The following FGL1 variants were observed in gnomAD, a reference collection of about 807,000 sequenced individuals.
FGL1 encodes fibrinogen like 1, also known as fibrinogen-like protein 1.
FGL1 carries 59 observed loss-of-function variants against 43.7 expected under a neutral mutation model. That is an observed-to-expected ratio of 1.35 (90% CI 1.10 to 1.68). The LOEUF (loss-of-function observed/expected upper bound fraction) is 1.68, where lower values mean the gene tolerates loss of function less well. Ranked by LOEUF, FGL1 falls within the 40% of genes most tolerant of loss-of-function variation. The pLI is 0.00. For missense variants in FGL1, 596 were observed against 373.0 expected, an observed-to-expected ratio of 1.60 and a Z score of -4.92; for synonymous variants, 192 against 126.5, an observed-to-expected ratio of 1.52 and a Z score of -3.48.
At chr8:17,877,427 G>C (rs1406402239) in intron 3 of FGL1, among the ~76,000 whole-genome samples, 1 of 152,144 alleles carries the variant, frequency 6.6e-6, no homozygotes, top group Non-Finnish European at 1.5e-5. Context: ...CCTGCCAAAT[G>C]GGCTTTTTCC....
intron 7 of FGL1, among the ~76,000 whole-genome samples, chr8:17,865,191 A>T (rs2053252777): frequency 6.6e-6 from 1 of 152,126 alleles, no homozygotes; most frequent in Non-Finnish European, 1.5e-5. Context: ...TCAATTTTTG[A>T]TTTTCTTTAA....
At chr8:17,866,736 T>C (rs2053275423) in intron 7 of FGL1, among the ~76,000 whole-genome samples, 2 of 152,266 alleles carry the variant, frequency 1.3e-5, no homozygotes, top group Admixed American at 6.5e-5. Context: ...GCCAGTCAGC[T>C]GGATAAAGTA....
At chr8:17,893,057 C>T (rs1046650226) in intron 1 of FGL1, among the ~76,000 whole-genome samples, 2 of 152,034 alleles carry the variant, frequency 1.3e-5, no homozygotes, top group African/African-American at 4.8e-5. Context: ...AGAAATTAGC[C>T]AGGTGTGGTG....
chr8:17,895,279 T>C, intron 1 of FGL1, 168 bp downstream of exon 1: 2 of 1,026,438 alleles, frequency 1.9e-6, no homozygotes, highest in Non-Finnish European at 1.2e-6. Flanking sequence ...AAAAGATACA[T>C]AATTCTAAAT....
chr8:17,881,725 T>C (rs2131725780), intron 3 of FGL1, among the ~76,000 whole-genome samples: 1 of 151,040 alleles, frequency 6.6e-6, no homozygotes, highest in Non-Finnish European at 1.5e-5. Context: ...TCCCAGCTAC[T>C]CGGGAGACTG....
At chr8:17,876,642 C>T (rs3866924) in intron 3 of FGL1, among the ~76,000 whole-genome samples, 78,387 of 151,992 alleles carry the variant, frequency 0.52, 22,990 homozygotes, top group Non-Finnish European at 0.68. Flanking sequence ...TATAGTACAA[C>T]ACTTTTATTA....
At chr8:17,889,553 C>T (rs956414048) in intron 1 of FGL1, among the ~76,000 whole-genome samples, 4 of 152,074 alleles carry the variant, frequency 2.6e-5, no homozygotes, top group African/African-American at 7.2e-5. Flanking sequence ...CCACCTCAAA[C>T]AACAACAACA....
chr8:17,889,024 T>A (rs894091901), intron 1 of FGL1, among the ~76,000 whole-genome samples: 16 of 152,144 alleles, frequency 1.1e-4, no homozygotes, highest in African/African-American at 3.6e-4. Flanking sequence ...GATGGGACAG[T>A]AAGCGTAGTT....
At chr8:17,892,560 A>G (rs1401653702) in intron 1 of FGL1, among the ~76,000 whole-genome samples, 1 of 152,328 alleles carries the variant, frequency 6.6e-6, no homozygotes, top group Middle Eastern at 3.4e-3. Context: ...GACATGACAT[A>G]AATACCATTT....
intron 5 of FGL1, among the ~76,000 whole-genome samples, chr8:17,872,859 C>A (rs2053385385): frequency 6.6e-6 from 1 of 152,168 alleles, no homozygotes; most frequent in Non-Finnish European, 1.5e-5. Flanking sequence ...GGGAGACATC[C>A]AGATGTCTGC....
intron 1 of FGL1, among the ~76,000 whole-genome samples, chr8:17,886,428 T>C (rs2053629013): frequency 6.6e-6 from 1 of 150,892 alleles, no homozygotes; most frequent in Non-Finnish European, 1.5e-5. Context: ...AAAGAACAGC[T>C]AGTGTGCAAT....
chr8:17,891,511 AGT>A, intron 1 of FGL1: 1 of 175,352 alleles, frequency 5.7e-6, no homozygotes, highest in Non-Finnish European at 1.1e-5. Context: ...GCCCTAATCC[AGT>A]ATGACCTCAT....
Position 17,885,492 on chromosome 8 carries a change from C to T in FGL1, c.63G>A (p.Ser21=), listed in dbSNP as rs1335297974. ...ACAATAGTTTTCCCAAGAAGCTTAC[C>T]GAAATTTCCCTGCCCATTGTCAGAG... ...TTALTMGREI[S]ALEDCAQEQM... is the part of the protein sequence containing the mutation. The change falls in exon 2 of 8, where the codon TCG becomes TCA. Residue 21 remains serine, a splice_region_variant and synonymous_variant. Transcript: ENST00000427924. The T allele has an allele frequency of 1.9e-6, 3 of 1,609,582 alleles. No individual in the cohort carries two copies. Among genetic ancestry groups the T allele is most frequent in the Middle Eastern group, 1.7e-4 (1 of 6,040 alleles).
intron 3 of FGL1, among the ~76,000 whole-genome samples, chr8:17,880,543 C>T (rs34450253): frequency 1.3e-5 from 2 of 152,254 alleles, no homozygotes; most frequent in Non-Finnish European, 2.9e-5. Context: ...TATGAACTAC[C>T]TTCCTTTCAT....
At chr8:17,877,704 C>T (rs2053477076) in intron 3 of FGL1, among the ~76,000 whole-genome samples, 1 of 152,010 alleles carries the variant, frequency 6.6e-6, no homozygotes, top group Non-Finnish European at 1.5e-5. Flanking sequence ...GCATGCAATG[C>T]ATAATAATCA....
chr8:17,865,094 G>T (rs962928479), intron 7 of FGL1, among the ~76,000 whole-genome samples: 4 of 151,924 alleles, frequency 2.6e-5, no homozygotes, highest in Non-Finnish European at 5.9e-5. Context: ...CCTCAGAGAT[G>T]GGTATTTTAA....
In FGL1 at chr8:17,864,470, A is replaced by G; in HGVS notation, c.*122T>C. 4.9e-6 allele frequency: 5 copies of G among 1,026,244 alleles called. No individual in the cohort carries two copies. The highest frequency in any genetic ancestry group is 4.1e-6 in the Non-Finnish European group (3 of 723,956). The allele number at this position is 1,026,244 out of a possible 1,614,324, so 63.6% of individuals were successfully genotyped here. On this transcript the variant is annotated 3_prime_UTR_variant, in exon 8 of 8. Transcript: ENST00000427924. ...ACATTAAGTAACAAAGGCAAGTGAG[A>G]AGAATGAAAAGCACTACTCACAACA... is the stretch of plus-strand genomic sequence containing the variant.
chr8:17,890,018 G>A (rs2053682742), intron 1 of FGL1, among the ~76,000 whole-genome samples: 1 of 152,160 alleles, frequency 6.6e-6, no homozygotes. Flanking sequence ...ACATTAATGT[G>A]TGCCATTTAA....
chr8:17,886,990 A>T (rs1450052161), intron 1 of FGL1, among the ~76,000 whole-genome samples: 1 of 152,152 alleles, frequency 6.6e-6, no homozygotes, highest in Non-Finnish European at 1.5e-5. Context: ...AGCCAGGTGA[A>T]TGCTGCTTCT....
Sources: allele counts gnomAD v4.1 joint callset (sites outside exome capture counted in the v4.1 genomes callset), GRCh38; gene constraint gnomAD v4.1.1; transcripts MANE v1.5; gene names NCBI Gene and HGNC (gene_info 2026-07-23, HGNC 2026-07-21).